Variants in AGBL1 observed in about 807,000 individuals in gnomAD.
AGBL1 encodes the protein cytosolic carboxypeptidase 4.
AGBL1 carries 130 observed loss-of-function variants against 118.9 expected under a neutral mutation model. The ratio of observed to expected loss-of-function variants is 1.09; its 90% CI spans 0.95 to 1.26. The LOEUF is 1.26. Among genes scored for constraint, AGBL1 ranks in the 50% most tolerant of loss-of-function variants. The pLI, the probability that AGBL1 is intolerant of heterozygous loss-of-function variation, is 0.00. For missense variants in AGBL1, 1,584 were observed against 1,298.1 expected (o/e 1.22, Z -3.38); for synonymous variants, 555 against 478.9 (o/e 1.16, Z -2.08).
At chr15:86,747,448 G>A (rs911570006) in intron 22 of AGBL1, among the ~76,000 whole-genome samples, 5 of 152,044 alleles carry the variant, frequency 3.3e-5, no homozygotes, top group Admixed American at 2.0e-4. Flanking sequence ...TAAAAAACAC[G>A]AAGTGAAATT....
chr15:86,775,405 A>C (rs958797486), intron 22 of AGBL1, among the ~76,000 whole-genome samples: 4 of 152,182 alleles, frequency 2.6e-5, no homozygotes, highest in African/African-American at 9.6e-5. Context: ...TAGCATGCTC[A>C]GGATTAGTTC....
chr15:86,625,733 T>C (rs2084877246), intron 21 of AGBL1, among the ~76,000 whole-genome samples: 1 of 152,174 alleles, frequency 6.6e-6, no homozygotes. Context: ...CACATTTTAA[T>C]AATACTCAAC....
chr15:86,713,135 T>C (rs533468402), intron 22 of AGBL1, among the ~76,000 whole-genome samples: 9 of 152,286 alleles, frequency 5.9e-5, no homozygotes, highest in East Asian at 3.9e-4. Flanking sequence ...TAGAATCTTA[T>C]TTTTGCCCTT....
chr15:86,640,320 GTTAC>G (rs2085170007), intron 21 of AGBL1, among the ~76,000 whole-genome samples: 1 of 152,092 alleles, frequency 6.6e-6, no homozygotes, highest in Non-Finnish European at 1.5e-5. Flanking sequence ...GTTTCTAAAT[GTTAC>G]TTACACTTTC....
At chr15:86,475,267 A>T (rs375197161) in intron 18 of AGBL1, among the ~76,000 whole-genome samples, 4 of 152,168 alleles carry the variant, frequency 2.6e-5, no homozygotes, top group African/African-American at 9.7e-5. Context: ...CAGACGATTA[A>T]ACTTCTCCAA....
At chr15:86,957,244 G>A (rs1409356817) in intron 23 of AGBL1, among the ~76,000 whole-genome samples, 1 of 151,962 alleles carries the variant, frequency 6.6e-6, no homozygotes, top group Non-Finnish European at 1.5e-5. Flanking sequence ...AGTGAATGTG[G>A]TAAATATATC....
intron 1 of AGBL1, among the ~76,000 whole-genome samples, chr15:86,131,333 A>G (rs1216628241): frequency 1.3e-5 from 2 of 152,232 alleles, no homozygotes; most frequent in African/African-American, 4.8e-5. Flanking sequence ...TCTTGGTGGT[A>G]CACATGACAA....
At chr15:86,454,540 C>A (rs946458423) in intron 18 of AGBL1, among the ~76,000 whole-genome samples, 2 of 152,026 alleles carry the variant, frequency 1.3e-5, no homozygotes, top group African/African-American at 4.8e-5. Flanking sequence ...TGTGGCAAAT[C>A]CATGCAATGA....
At chr15:86,974,514 A>G (rs62034304) in intron 23 of AGBL1, among the ~76,000 whole-genome samples, 51,887 of 130,660 alleles carry the variant, frequency 0.4, 12,931 homozygotes, top group Non-Finnish European at 0.54. Context: ...GAATATAAAT[A>G]TATATAATAT....
At chr15:86,607,731 A>G (rs1478347440) in intron 21 of AGBL1, among the ~76,000 whole-genome samples, 1 of 152,126 alleles carries the variant, frequency 6.6e-6, no homozygotes, top group Non-Finnish European at 1.5e-5. Flanking sequence ...GTGCCTGTTC[A>G]GGTCATTTGC....
At chr15:86,113,451 C>A (rs186012570) in intron 1 of AGBL1, among the ~76,000 whole-genome samples, 90 of 151,796 alleles carry the variant, frequency 5.9e-4, no homozygotes, top group African/African-American at 2.1e-3. Context: ...CCATGCCCGG[C>A]TCTTTTGTAT....
intron 18 of AGBL1, among the ~76,000 whole-genome samples, chr15:86,469,282 T>C (rs2082447214): frequency 6.6e-6 from 1 of 152,204 alleles, no homozygotes; most frequent in Admixed American, 6.5e-5. Context: ...TTTGACTGAC[T>C]GCTTCTATGA....
chr15:86,561,184 T>C (rs1463014968), intron 21 of AGBL1, among the ~76,000 whole-genome samples: 1 of 152,238 alleles, frequency 6.6e-6, no homozygotes, highest in East Asian at 1.9e-4. Flanking sequence ...CCATTGCTTT[T>C]GGTGTTTTAG....
intron 21 of AGBL1, among the ~76,000 whole-genome samples, chr15:86,654,518 G>T (rs903029108): frequency 7.9e-5 from 12 of 152,144 alleles, no homozygotes; most frequent in Non-Finnish European, 1.2e-4. Flanking sequence ...CCTTGAAAAT[G>T]AAGTTAATAG....
intron 17 of AGBL1, among the ~76,000 whole-genome samples, chr15:86,345,813 A>T (rs942715944): frequency 2.0e-5 from 3 of 152,232 alleles, no homozygotes; most frequent in African/African-American, 7.2e-5. Flanking sequence ...AAAATCTTGC[A>T]TTAGGAAAAA....
intron 6 of AGBL1, among the ~76,000 whole-genome samples, chr15:86,228,593 G>T (rs2078404920): frequency 6.6e-6 from 1 of 152,168 alleles, no homozygotes; most frequent in Non-Finnish European, 1.5e-5. Flanking sequence ...ACAGGCGGAG[G>T]TCATCCCCAG....
intron 24 of AGBL1, among the ~76,000 whole-genome samples, chr15:87,011,300 T>C (rs2081557600): frequency 6.6e-6 from 1 of 152,148 alleles, no homozygotes; most frequent in Non-Finnish European, 1.5e-5. Context: ...TCCCACACTA[T>C]CTAAATTTGA....
At chr15:86,820,495 CAA>C (rs535715403) in intron 22 of AGBL1, among the ~76,000 whole-genome samples, 109 of 152,186 alleles carry the variant, frequency 7.2e-4, no homozygotes, top group African/African-American at 2.5e-3. Flanking sequence ...CATGAAAAAA[CAA>C]CCCCATCCAA....
chr15:86,406,190 C>T (rs571063783), intron 18 of AGBL1, among the ~76,000 whole-genome samples: 1 of 152,290 alleles, frequency 6.6e-6, no homozygotes, highest in East Asian at 1.9e-4. Context: ...AACTGGGAAA[C>T]AGAAAGAGTG....
Sources: allele counts gnomAD v4.1 joint callset (sites outside exome capture counted in the v4.1 genomes callset), GRCh38; gene constraint gnomAD v4.1.1; transcripts MANE v1.5; gene names NCBI Gene and HGNC (gene_info 2026-07-23, HGNC 2026-07-21).